The following MTF2 variants were observed in gnomAD, a reference collection of about 807,000 sequenced individuals.
MTF2 encodes metal-response element-binding transcription factor 2.
In MTF2, 11 loss-of-function variants were observed where a neutral mutation model predicts 79.5. The observed-to-expected ratio is 0.14, with a 90% CI of 0.09 to 0.23. The LOEUF (loss-of-function observed/expected upper bound fraction) is 0.23. MTF2 is among the 10% of genes least tolerant of loss of function. The pLI is 1.00. For synonymous variants in MTF2, 208 were observed against 232.8 expected (o/e 0.89, Z 0.97); for missense variants, 486 against 711.2 (o/e 0.68, Z 3.60).
chr1:93,128,170 C>T (rs1656775752), intron 10 of MTF2, among the ~76,000 whole-genome samples: 1 of 152,130 alleles, frequency 6.6e-6, no homozygotes, highest in Non-Finnish European at 1.5e-5. Flanking sequence ...TTTCATGGGA[C>T]AGTGAATTCT....
At chr1:93,118,066 T>G (rs1656323831) in intron 6 of MTF2, among the ~76,000 whole-genome samples, 1 of 152,190 alleles carries the variant, frequency 6.6e-6, no homozygotes, top group African/African-American at 2.4e-5. Flanking sequence ...AGAGCTCATT[T>G]GACTAGTGTA....
chr1:93,090,509 A>G (rs1655032885), intron 1 of MTF2, among the ~76,000 whole-genome samples: 2 of 151,690 alleles, frequency 1.3e-5, no homozygotes, highest in East Asian at 2.0e-4. Context: ...TGGCCTCCCA[A>G]AGTGCTGGGA....
At chr1:93,133,682 C>T in intron 11 of MTF2, 21 bp from the exon 12 acceptor site, 1 of 1,541,388 alleles carries the variant, frequency 6.5e-7, no homozygotes. Context: ...AGATTAAATG[C>T]ATAATGGTTT....
intron 1 of MTF2, among the ~76,000 whole-genome samples, chr1:93,100,027 G>A (rs1655461068): frequency 6.6e-6 from 1 of 152,190 alleles, no homozygotes; most frequent in Non-Finnish European, 1.5e-5. Flanking sequence ...GGAAATAGGA[G>A]TTGGCATAAG....
intron 1 of MTF2, among the ~76,000 whole-genome samples, chr1:93,086,585 G>C (rs967611783): frequency 7.2e-5 from 11 of 151,814 alleles, no homozygotes; most frequent in African/African-American, 1.5e-4. Flanking sequence ...AAAAGATCTT[G>C]GTTTGTGAAT....
At position 93,134,216 on chromosome 1, in the gene MTF2, T is replaced by C. The variant is rs199812294; in HGVS notation, c.1424+21T>C. Reference sequence around the variant, plus strand: ...TATGGGTAGATATTTTACATTCTTATTTTTTTTACTTTTTTTACTCTAGAT... The same window carrying C: ...TATGGGTAGATATTTTACATTCTTACTTTTTTTACTTTTTTTACTCTAGAT... On this transcript the variant is annotated intron_variant, in intron 14 of 14. Transcript: ENST00000370298. 39 of 1,463,026 alleles carry C rather than the reference T, an allele frequency of 2.7e-5. No individual in the cohort carries two copies. In the East Asian group the frequency reaches 6.8e-4, roughly 26 times the overall value. 90.6% of individuals were successfully genotyped at this position (1,463,026 alleles called of 1,614,324 possible).
At chr1:93,101,670 C>G (rs1655553356) in intron 1 of MTF2, among the ~76,000 whole-genome samples, 1 of 148,058 alleles carries the variant, frequency 6.8e-6, no homozygotes, top group Non-Finnish European at 1.5e-5. Flanking sequence ...CTCGACCTCC[C>G]AGGCTCACGC....
intron 12 of MTF2, 28 bp downstream of exon 12, chr1:93,133,836 C>T (rs961839470): frequency 1.3e-6 from 2 of 1,560,792 alleles, no homozygotes; most frequent in Non-Finnish European, 1.8e-6. Context: ...TATATGTTCT[C>T]AAGAAGAAGG....
chr1:93,101,366 CTTT>C (rs71586777), intron 1 of MTF2, among the ~76,000 whole-genome samples: 2 of 108,602 alleles, frequency 1.8e-5, no homozygotes, highest in Non-Finnish European at 3.8e-5. Context: ...CTATCTTAAC[CTTT>C]TTTTTTTTTT....
In MTF2 at chr1:93,136,826, T is replaced by C. The variant is rs1349026673; in HGVS notation, c.1581T>C (p.Phe527=). ...ATGAAGGCAAAGAAGATTATCAGTT[T>C]GATGAACTCAACACAGAGATTCTGA... ...KDDEGKEDYQ[F]DELNTEILNN... Residue 527 remains phenylalanine (F), a synonymous_variant, in exon 15 of 15, where the codon TTT becomes TTC. Coordinates refer to ENST00000370298, the MANE Select transcript of MTF2 (RefSeq NM_007358.4). The C allele has an allele frequency of 9.3e-6, 15 of 1,614,086 alleles. No individual in the cohort carries two copies. The highest frequency in any genetic ancestry group is 2.7e-5 in the African/African-American group (2 of 74,926).
chr1:93,096,664 A>G (rs1053927919), intron 1 of MTF2, among the ~76,000 whole-genome samples: 1 of 151,494 alleles, frequency 6.6e-6, no homozygotes, highest in Non-Finnish European at 1.5e-5. Flanking sequence ...TTCGAGACGT[A>G]TCTCTCCAAC....
chr1:93,133,554 T>C (rs1267143023), intron 11 of MTF2, 149 bp from the exon 12 acceptor site: 6 of 331,064 alleles, frequency 1.8e-5, no homozygotes, highest in Non-Finnish European at 3.2e-5. Context: ...TGCACTTGAC[T>C]AAACTTGTGG....
At chr1:93,093,228 A>AT (rs895886737) in intron 1 of MTF2, among the ~76,000 whole-genome samples, 3 of 152,032 alleles carry the variant, frequency 2.0e-5, no homozygotes, top group African/African-American at 7.2e-5. Context: ...GTTAGCTGTT[A>AT]TTTCTAGATT....
At chr1:93,084,426 G>A (rs937312929) in intron 1 of MTF2, among the ~76,000 whole-genome samples, 6 of 152,070 alleles carry the variant, frequency 3.9e-5, no homozygotes, top group Admixed American at 2.6e-4. Flanking sequence ...GACGTTGTGA[G>A]TCCTCAAGTT....
chr1:93,094,852 G>C (rs1341082346), intron 1 of MTF2, among the ~76,000 whole-genome samples: 1 of 152,006 alleles, frequency 6.6e-6, no homozygotes, highest in East Asian at 1.9e-4. Flanking sequence ...TTCATTTATT[G>C]GCTTGAATAT....
In MTF2 at chr1:93,114,704, G is replaced by A. The variant is rs375696141; in HGVS notation, c.303G>A (p.Gly101=). 2 of 1,603,310 alleles carry A rather than the reference G, an allele frequency of 1.2e-6. No individual in the cohort carries two copies. The highest frequency in any genetic ancestry group is 3.5e-5 in the Admixed American group (2 of 56,804). The change falls in exon 4 of 15, where the codon GGG becomes GGA. Residue 101 remains glycine, a synonymous_variant. Transcript: ENST00000370298. ...ATATTTTAGGAGCCACTGGAAGTGG[G>A]GAAATGGTCTGTACAATATGTCAAG... The part of the protein sequence containing the change: ...KDIQTGATGS[G]EMVCTICQEE...
Position 93,079,304 on chromosome 1 carries a change from G to T in MTF2, c.-223G>T. Reference sequence around the variant, plus strand: ...CGGCAGTCCGCGGGAAACCAAAATGGCGAGGGGCTGTATTGAAGTGGGCTG... The same window carrying T: ...CGGCAGTCCGCGGGAAACCAAAATGTCGAGGGGCTGTATTGAAGTGGGCTG... On this transcript the variant is annotated 5_prime_UTR_variant, in exon 1 of 15. Coordinates refer to ENST00000370298, the MANE Select transcript of MTF2 (RefSeq NM_007358.4). The T allele has an allele frequency of 1.8e-6, 1 of 550,854 alleles. No homozygotes were observed. Among genetic ancestry groups the T allele is most frequent in the African/African-American group, 1.9e-5 (1 of 52,454 alleles). The allele number at this position is 550,854 out of a possible 1,614,324, so 34.1% of individuals were successfully genotyped here. A position where few individuals can be genotyped will look rare whatever the true frequency, so the allele number is the denominator to read the frequency against.
chr1:93,119,330 T>A lies in MTF2; in HGVS notation c.729-3T>A. ...AACTTTTTCTTTTTTTTTTTTTTCT[T>A]AGATTTTATACGTTTATATGCTCTG... On this transcript the variant is annotated splice_region_variant and splice_polypyrimidine_tract_variant and intron_variant, in intron 7 of 14. Transcript: ENST00000370298. The A allele has an allele frequency of 6.4e-7, 1 of 1,565,180 alleles. No homozygotes were observed.
intron 9 of MTF2, chr1:93,121,418 TATA>T (rs1024108571): frequency 1.1e-6 from 1 of 892,314 alleles, no homozygotes. Context: ...AAATTTGTTT[TATA>T]ATATGGAATT....
Sources: allele counts gnomAD v4.1 joint callset (sites outside exome capture counted in the v4.1 genomes callset), GRCh38; gene constraint gnomAD v4.1.1; transcripts MANE v1.5; gene names NCBI Gene and HGNC (gene_info 2026-07-23, HGNC 2026-07-21).